NRXN1: variants seen among roughly 807,000 people sequenced by gnomAD.
NRXN1 encodes neurexin 1.
NRXN1 carries 39 observed loss-of-function variants against 150.9 expected under a neutral mutation model. That is an observed-to-expected ratio of 0.26 (90% CI 0.20 to 0.34). The LOEUF (loss-of-function observed/expected upper bound fraction) is 0.34. Ranked by LOEUF, NRXN1 falls within the 10% of genes least tolerant of loss-of-function variation. The pLI is 1.00. For synonymous variants in NRXN1, 924 were observed against 757.0 expected (o/e 1.22, Z -3.62); for missense variants, 1,815 against 1,949.9 (o/e 0.93, Z 1.30).
At chr2:50,339,681 A>T (rs116310576) in intron 17 of NRXN1, among the ~76,000 whole-genome samples, 1,625 of 152,306 alleles carry the variant, frequency 0.011, 26 homozygotes, top group African/African-American at 0.037. Context: ...ACTATTTAAT[A>T]AATAACATTC....
intron 5 of NRXN1, among the ~76,000 whole-genome samples, chr2:50,756,366 G>C (rs1311565991): frequency 6.6e-6 from 1 of 151,320 alleles, no homozygotes; most frequent in African/African-American, 2.4e-5. Context: ...TAGAAATTAT[G>C]TTCATTCAGT....
At chr2:50,588,907 T>C (rs1248168083) in intron 8 of NRXN1, 2 of 152,176 alleles carry the variant, frequency 1.3e-5, no homozygotes, top group Non-Finnish European at 2.9e-5. Flanking sequence ...CTACTGTGAA[T>C]ATATGATGAG....
At chr2:50,110,491 CAAA>C (rs5831088) in intron 18 of NRXN1, among the ~76,000 whole-genome samples, 70 of 85,606 alleles carry the variant, frequency 8.2e-4, no homozygotes, top group African/African-American at 2.7e-3. Flanking sequence ...GACTCTGTCT[CAAA>C]AAAAAAAAAA....
chr2:50,383,432 A>C (rs1336971110), intron 17 of NRXN1, among the ~76,000 whole-genome samples: 5 of 152,170 alleles, frequency 3.3e-5, no homozygotes, highest in Non-Finnish European at 7.3e-5. Context: ...GGCTCAAAAC[A>C]CATGAGATTT....
intron 21 of NRXN1, among the ~76,000 whole-genome samples, chr2:50,025,219 C>T (rs980811413): frequency 1.1e-4 from 17 of 152,106 alleles, no homozygotes; most frequent in Non-Finnish European, 7.3e-5. Context: ...ACTACACCTG[C>T]GATGTTCCTT....
At chr2:50,786,327 C>T (rs1288460240) in intron 5 of NRXN1, among the ~76,000 whole-genome samples, 1 of 152,014 alleles carries the variant, frequency 6.6e-6, no homozygotes, top group Non-Finnish European at 1.5e-5. Flanking sequence ...TTTTATTCCT[C>T]TTTATAGCAA....
intron 12 of NRXN1, among the ~76,000 whole-genome samples, chr2:50,517,719 C>T (rs766130375): frequency 3.3e-5 from 5 of 151,980 alleles, no homozygotes; most frequent in East Asian, 1.9e-4. Context: ...GAATAACTTC[C>T]GAGTCCAAAG....
At chr2:50,825,597 G>A (rs1045737091) in intron 5 of NRXN1, among the ~76,000 whole-genome samples, 35 of 152,122 alleles carry the variant, frequency 2.3e-4, no homozygotes, top group African/African-American at 3.9e-4. Flanking sequence ...CCCTTCTTCC[G>A]TACATCTTCA....
chr2:50,783,728 A>G (rs1309571451), intron 5 of NRXN1, among the ~76,000 whole-genome samples: 1 of 152,166 alleles, frequency 6.6e-6, no homozygotes, highest in Non-Finnish European at 1.5e-5. Context: ...ATTGTTCTTC[A>G]CAGGCAAACA....
intron 17 of NRXN1, among the ~76,000 whole-genome samples, chr2:50,435,945 A>G (rs922778730): frequency 2.0e-5 from 3 of 152,182 alleles, no homozygotes; most frequent in African/African-American, 7.2e-5. Context: ...ATGTACCCCT[A>G]AACTAAAATA....
At chr2:50,234,034 T>G (rs1214878185) in intron 18 of NRXN1, among the ~76,000 whole-genome samples, 1 of 152,200 alleles carries the variant, frequency 6.6e-6, no homozygotes, top group East Asian at 1.9e-4. Context: ...TTTCCTTCCT[T>G]CCTTTCTTCT....
chr2:50,643,842 T>C (rs1252593794), intron 5 of NRXN1, among the ~76,000 whole-genome samples: 6 of 151,822 alleles, frequency 4.0e-5, no homozygotes, highest in African/African-American at 1.4e-4. Flanking sequence ...CCTAAACTGT[T>C]ACTTTTCTCA....
intron 18 of NRXN1, 53 bp from the exon 19 acceptor site, chr2:50,091,547 T>C: frequency 6.4e-7 from 1 of 1,552,970 alleles, no homozygotes; most frequent in East Asian, 2.2e-5. Flanking sequence ...AGTCACCATT[T>C]AATAAAGATT....
intron 10 of NRXN1, among the ~76,000 whole-genome samples, chr2:50,533,917 T>C (rs992254534): frequency 5.3e-5 from 8 of 152,148 alleles, no homozygotes; most frequent in Non-Finnish European, 1.2e-4. Flanking sequence ...ATATTCATCA[T>C]TTCACTTTGT....
At chr2:50,051,170 T>C (rs1019419312) in intron 21 of NRXN1, among the ~76,000 whole-genome samples, 8 of 152,004 alleles carry the variant, frequency 5.3e-5, no homozygotes, top group African/African-American at 1.9e-4. Flanking sequence ...ATTTTAATAT[T>C]ATAAAATGCA....
chr2:50,766,008 T>C (rs756389351), intron 5 of NRXN1, among the ~76,000 whole-genome samples: 5 of 152,066 alleles, frequency 3.3e-5, no homozygotes, highest in Non-Finnish European at 7.4e-5. Context: ...CCTTTGCATT[T>C]AGGTCCATAA....
intron 5 of NRXN1, among the ~76,000 whole-genome samples, chr2:50,874,046 G>A (rs765835573): frequency 4.6e-5 from 7 of 151,854 alleles, no homozygotes; most frequent in African/African-American, 7.2e-5. Context: ...AGGACACAAC[G>A]TAGTATTTTG....
At chr2:50,136,645 T>G (rs1292878438) in intron 18 of NRXN1, among the ~76,000 whole-genome samples, 2 of 152,134 alleles carry the variant, frequency 1.3e-5, no homozygotes, top group Non-Finnish European at 2.9e-5. Flanking sequence ...TGCTGCAACT[T>G]TAAGGCAAAA....
At chr2:50,699,662 C>CA (rs1212266043) in intron 5 of NRXN1, among the ~76,000 whole-genome samples, 5 of 151,904 alleles carry the variant, frequency 3.3e-5, no homozygotes, top group African/African-American at 9.7e-5. Context: ...TGAATTTAGT[C>CA]AAAAAACCCG....
Sources: allele counts gnomAD v4.1 joint callset (sites outside exome capture counted in the v4.1 genomes callset), GRCh38; gene constraint gnomAD v4.1.1; transcripts MANE v1.5; gene names NCBI Gene and HGNC (gene_info 2026-07-23, HGNC 2026-07-21).